ELAVL2: variants seen among roughly 807,000 people sequenced by gnomAD.
The protein encoded by ELAVL2 is ELAV like RNA binding protein 2.
Under a neutral mutation model 34.6 loss-of-function variants are expected in ELAVL2, and 4 were observed. The observed-to-expected ratio is 0.12, with a 90% CI of 0.06 to 0.26. The LOEUF (loss-of-function observed/expected upper bound fraction) is 0.26, where lower values mean the gene tolerates loss of function less well. Among genes scored for constraint, ELAVL2 ranks in the 10% least tolerant of loss-of-function variants. ELAVL2 has a pLI of 1.00. For missense variants in ELAVL2, 432 were observed against 442.8 expected, an observed-to-expected ratio of 0.98 and a Z score of 0.22; for synonymous variants, 193 against 154.8, an observed-to-expected ratio of 1.25 and a Z score of -1.83.
intron 1 of ELAVL2, among the ~76,000 whole-genome samples, chr9:23,763,791 CCAGAATAG>C (rs2055603360): frequency 1.3e-5 from 2 of 152,042 alleles, no homozygotes; most frequent in Non-Finnish European, 2.9e-5. Context: ...GAGGCAAAAT[CCAGAATAG>C]CTTTTGAAAT....
chr9:23,801,233 A>C (rs2137640499), intron 1 of ELAVL2, among the ~76,000 whole-genome samples: 1 of 152,344 alleles, frequency 6.6e-6, no homozygotes, highest in East Asian at 1.9e-4. Flanking sequence ...ACATTACTGG[A>C]AATAGGCTCA....
At chr9:23,748,417 G>A (rs1474200107) in intron 2 of ELAVL2, among the ~76,000 whole-genome samples, 1 of 152,106 alleles carries the variant, frequency 6.6e-6, no homozygotes, top group African/African-American at 2.4e-5. Context: ...GACTCTCTGG[G>A]AGAAAAGAGT....
chr9:23,773,200 G>GTA (rs1219214619), intron 1 of ELAVL2, among the ~76,000 whole-genome samples: 8 of 152,302 alleles, frequency 5.3e-5, no homozygotes, highest in Admixed American at 3.9e-4. Flanking sequence ...ACATAAGAAT[G>GTA]TATATAAGAG....
chr9:23,772,515 A>G (rs2057473650), intron 1 of ELAVL2, among the ~76,000 whole-genome samples: 1 of 146,740 alleles, frequency 6.8e-6, no homozygotes, highest in Non-Finnish European at 1.5e-5. Flanking sequence ...TACACTGTTT[A>G]ACCTCAAGCA....
At chr9:23,742,494 C>G (rs2049471659) in intron 2 of ELAVL2, among the ~76,000 whole-genome samples, 1 of 152,126 alleles carries the variant, frequency 6.6e-6, no homozygotes, top group African/African-American at 2.4e-5. Context: ...GGGAGGGAAG[C>G]TGAGTCATTA....
At chr9:23,834,766 C>T in the ELAVL2 span, among the ~76,000 whole-genome samples, 2 of 152,046 alleles carry the variant, frequency 1.3e-5, no homozygotes, top group African/African-American at 4.8e-5. Flanking sequence ...GGCATAAAAT[C>T]ATCTATCTGC....
chr9:23,774,949 T>G (rs541580960), intron 1 of ELAVL2, among the ~76,000 whole-genome samples: 2 of 152,320 alleles, frequency 1.3e-5, no homozygotes, highest in African/African-American at 4.8e-5. Context: ...GATCCATGTA[T>G]CTACATTCAT....
chr9:23,823,727 C>T (rs2065101556), intron 1 of ELAVL2, among the ~76,000 whole-genome samples: 1 of 152,224 alleles, frequency 6.6e-6, no homozygotes, highest in Non-Finnish European at 1.5e-5. Flanking sequence ...GGCCCAAACA[C>T]ATTTCCTACC....
intron 1 of ELAVL2, among the ~76,000 whole-genome samples, chr9:23,794,578 C>G (rs2060689943): frequency 6.6e-6 from 1 of 152,170 alleles, no homozygotes; most frequent in African/African-American, 2.4e-5. Flanking sequence ...TTAAACATTC[C>G]TAGAATTTGA....
intron 1 of ELAVL2, among the ~76,000 whole-genome samples, chr9:23,784,737 T>TG (rs1391072455): frequency 6.6e-6 from 1 of 152,118 alleles, no homozygotes. Context: ...GGTGCAGAGG[T>TG]GGGGCACAAC....
intron 1 of ELAVL2, among the ~76,000 whole-genome samples, chr9:23,771,812 A>G (rs1457363839): frequency 6.6e-6 from 1 of 152,146 alleles, no homozygotes; most frequent in Non-Finnish European, 1.5e-5. Context: ...TAAAATCTGT[A>G]TTTTTCAACA....
rs773876588 is a variant in ELAVL2, at chr9:23,692,905, TAC to T, written c.753-23_753-22del. On this transcript the variant is annotated intron_variant, in intron 6 of 6. Coordinates refer to ENST00000397312, the MANE Select transcript of ELAVL2 (RefSeq NM_004432.5). Reference sequence around the variant, plus strand: ...AAAACCTGCTAAACAGAATAGGAAATACACACATACACACAAAAAATAAAAAC... The same window carrying T: ...AAAACCTGCTAAACAGAATAGGAAATACACATACACACAAAAAATAAAAAC... 2.5e-6 allele frequency: 4 copies of T among 1,592,214 alleles called. No homozygotes were observed. In the Admixed American group the frequency reaches 5.2e-5, roughly 21 times the overall value.
intron 1 of ELAVL2, among the ~76,000 whole-genome samples, chr9:23,805,429 G>A (rs2062083327): frequency 6.6e-6 from 1 of 152,132 alleles, no homozygotes; most frequent in Non-Finnish European, 1.5e-5. Context: ...CTGATAAACT[G>A]CCAACATACC....
At chr9:23,696,733 G>C (rs1333291857) in intron 5 of ELAVL2, among the ~76,000 whole-genome samples, 1 of 152,038 alleles carries the variant, frequency 6.6e-6, no homozygotes, top group Non-Finnish European at 1.5e-5. Flanking sequence ...GCCTCCCAAA[G>C]TGCTGGGATT....
chr9:23,738,985 A>G (rs545816426), intron 2 of ELAVL2, among the ~76,000 whole-genome samples: 180 of 152,280 alleles, frequency 1.2e-3, no homozygotes, highest in African/African-American at 4.1e-3. Flanking sequence ...GGTTCTTAAT[A>G]TATCACATTT....
chr9:23,771,825 G>C (rs924173040), intron 1 of ELAVL2, among the ~76,000 whole-genome samples: 5 of 152,132 alleles, frequency 3.3e-5, no homozygotes, highest in Non-Finnish European at 7.4e-5. Context: ...TTTCAACAGG[G>C]TCATTTATAT....
Position 23,699,856 on chromosome 9 carries a change from A to G in ELAVL2, c.713+1523T>C, listed in dbSNP as rs147898378. On this transcript the variant is annotated intron_variant, in intron 5 of 6. Coordinates refer to ENST00000397312, the MANE Select transcript of ELAVL2 (RefSeq NM_004432.5). ...TTTTTTTTTTTTTTTTTTTTTTAAT[A>G]CCAATGCCTTTTCCTCACAGCAGAG... Among the ~76,000 whole-genome samples the G allele has an allele frequency of 7.9e-3, 789 of 99,554 alleles. 11 individuals carry two copies. Among genetic ancestry groups the G allele is most frequent in the African/African-American group, 0.028 (759 of 27,044 alleles). The allele number at this position is 99,554 out of a possible 152,430, so 65.3% of individuals were successfully genotyped here.
intron 2 of ELAVL2, among the ~76,000 whole-genome samples, chr9:23,742,457 A>G (rs1331938213): frequency 6.6e-6 from 1 of 152,332 alleles, no homozygotes; most frequent in East Asian, 1.9e-4. Context: ...CAATATGGTG[A>G]CATCAAGTTA....
At chr9:23,701,162 G>C (rs1468854495) in intron 5 of ELAVL2, among the ~76,000 whole-genome samples, 12 of 152,202 alleles carry the variant, frequency 7.9e-5, no homozygotes. Flanking sequence ...CACTGCTGTA[G>C]GTTACTGTCC....
Sources: allele counts gnomAD v4.1 joint callset (sites outside exome capture counted in the v4.1 genomes callset), GRCh38; gene constraint gnomAD v4.1.1; transcripts MANE v1.5; gene names NCBI Gene and HGNC (gene_info 2026-07-23, HGNC 2026-07-21).